Variants in EFNA1 observed in about 807,000 individuals in gnomAD.
EFNA1 encodes the protein ephrin A1, also known as ephrin-A1.
A neutral mutation model predicts 23.2 loss-of-function variants in EFNA1; 8 were observed. The observed-to-expected ratio is 0.34, with a 90% CI of 0.20 to 0.62. EFNA1 has a LOEUF of 0.62. Among genes scored for constraint, EFNA1 ranks in the 20% least tolerant of loss-of-function variants. The pLI, the probability that EFNA1 is intolerant of heterozygous loss-of-function variation, is 0.75. For missense variants in EFNA1, 217 were observed against 260.0 expected, an observed-to-expected ratio of 0.83 and a Z score of 1.14; for synonymous variants, 89 against 98.6, an observed-to-expected ratio of 0.90 and a Z score of 0.58.
intron 3 of EFNA1, 37 bp downstream of exon 3, chr1:155,133,605 C>CTAG: frequency 3.7e-6 from 6 of 1,612,562 alleles, no homozygotes; most frequent in Non-Finnish European, 5.1e-6. Flanking sequence ...CTTCCTCCAT[C>CTAG]TCTATGCTGG....
chr1:155,131,166 G>A, intron 1 of EFNA1, 173 bp from the exon 2 acceptor site: 3 of 1,357,294 alleles, frequency 2.2e-6, no homozygotes, highest in South Asian at 1.6e-5. Flanking sequence ...GTTTAGAGAT[G>A]GCAGAGAGAA....
At chr1:155,133,264 G>A (rs866190969) in intron 2 of EFNA1, among the ~76,000 whole-genome samples, 4 of 152,146 alleles carry the variant, frequency 2.6e-5, no homozygotes, top group Admixed American at 6.5e-5. Flanking sequence ...TCGGAGGAAT[G>A]AAGGATGAAA....
chr1:155,134,113 G>A lies in EFNA1; in HGVS notation c.*46G>A, dbSNP rs1371905169. The A allele has an allele frequency of 1.3e-6, 2 of 1,583,938 alleles. No individual in the cohort carries two copies. Among genetic ancestry groups the A allele is most frequent in the African/African-American group, 1.4e-5 (1 of 74,038 alleles). On this transcript the variant is annotated 3_prime_UTR_variant, in exon 5 of 5. Transcript: ENST00000368407. ...CTTAAAGAGGGACAGGCTGAAGAGA[G>A]GGACAGGCACTCCAAACCTGTCTTG...
Position 155,128,406 on chromosome 1 carries a change from C to T in EFNA1, c.92+337C>T, listed in dbSNP as rs543404162. Reference sequence around the variant, plus strand: ...GCCCTTGTTCCAGGCCCCCCACCCCCCCACTGTGAAAGCCTCCACGCCTCT... The same window carrying T: ...GCCCTTGTTCCAGGCCCCCCACCCCTCCACTGTGAAAGCCTCCACGCCTCT... On this transcript the variant is annotated intron_variant, in intron 1 of 4. Transcript: ENST00000368407. Among the ~76,000 whole-genome samples, 4 of 152,264 alleles carry T rather than the reference C, an allele frequency of 2.6e-5. 1 individual carries two copies. Among genetic ancestry groups the T allele is most frequent in the African/African-American group, 7.2e-5 (3 of 41,568 alleles).
chr1:155,133,198 C>G (rs1225642741), intron 2 of EFNA1, among the ~76,000 whole-genome samples: 1 of 152,106 alleles, frequency 6.6e-6, no homozygotes, highest in Non-Finnish European at 1.5e-5. Flanking sequence ...TGTGAGCCAC[C>G]GCGCCTGGCC....
intron 4 of EFNA1, 49 bp from the exon 5 acceptor site, chr1:155,133,906 A>T (rs759098424): frequency 6.2e-7 from 1 of 1,607,564 alleles, no homozygotes; most frequent in South Asian, 1.1e-5. Flanking sequence ...GAGCCAGTAC[A>T]AATAGTGGAG....
rs80183530 is a variant in EFNA1 at position 155,130,216 on chromosome 1, G to C, written c.93-1123G>C. Reference sequence around the variant, plus strand: ...CTCCTTCCTCGCCCTCCCAGCCGTGGCCAGGGCTTTCAGTTCGAAGCAACT... The same window carrying C: ...CTCCTTCCTCGCCCTCCCAGCCGTGCCCAGGGCTTTCAGTTCGAAGCAACT... On this transcript the variant is annotated intron_variant, in intron 1 of 4. Transcript: ENST00000368407. Among the ~76,000 whole-genome samples, 1,369 of 152,326 alleles carry C rather than the reference G, an allele frequency of 9.0e-3. 24 individuals are homozygous for C. Among genetic ancestry groups the C allele is most frequent in the African/African-American group, 0.031 (1,292 of 41,564 alleles).
intron 1 of EFNA1, among the ~76,000 whole-genome samples, chr1:155,130,305 T>A (rs760527504): frequency 1.3e-5 from 2 of 152,132 alleles, no homozygotes; most frequent in Non-Finnish European, 2.9e-5. Flanking sequence ...ACTGACCAGC[T>A]TGCGGGGTCG....
intron 2 of EFNA1, 109 bp from the exon 3 acceptor site, chr1:155,133,393 AG>A: frequency 8.1e-7 from 1 of 1,227,816 alleles, no homozygotes. Context: ...TAGAGGGAAG[AG>A]AAGAATGAAA....
chr1:155,129,061 G>A (rs1476667789), intron 1 of EFNA1, among the ~76,000 whole-genome samples: 2 of 152,148 alleles, frequency 1.3e-5, no homozygotes, highest in Non-Finnish European at 2.9e-5. Context: ...CCGTGTCATC[G>A]TCTGGTGAGG....
rs376779657 is a variant in EFNA1 at position 155,128,586 on chromosome 1, C to T, written c.92+517C>T. Among the ~76,000 whole-genome samples, 21 of 152,306 alleles carry T rather than the reference C, an allele frequency of 1.4e-4. 1 individual carries two copies. In the East Asian group the frequency reaches 2.1e-3, roughly 15 times the overall value. On this transcript the variant is annotated intron_variant, in intron 1 of 4. Transcript: ENST00000368407. ...CATTCACCCTGTATTTAAAGCAAAC[C>T]TGGAAAGTCCCTCACTAGGGGTCTT...
chr1:155,131,041 C>A (rs1664230532), intron 1 of EFNA1: 1 of 985,314 alleles, frequency 1.0e-6, no homozygotes, highest in African/African-American at 1.7e-5. Flanking sequence ...GGTAGAAGCC[C>A]ATCTAAATAT....
chr1:155,133,741 C>G lies in EFNA1; in HGVS notation c.466C>G (p.Gln156Glu), dbSNP rs1332131897. The change falls in exon 4 of 5, where the codon CAG (glutamine) becomes GAG (glutamate). Residue 156 changes from glutamine (Q) to glutamate (E), a missense_variant. Physicochemically the swap from Gln to Glu is conservative, Grantham distance 29. Transcript: ENST00000368407. The stretch of plus-strand genomic sequence containing the variant: ...CTCTTGTCTTTCAGCTCACAGTCCT[C>G]AGGCCCATGACAATCCACAGGAGAA... ...TVSGKITHSP[Q>E]AHDNPQEKRL... The G allele has an allele frequency of 6.2e-7, 1 of 1,614,014 alleles. No homozygotes were observed. The highest frequency in any genetic ancestry group is 1.3e-5 in the African/African-American group (1 of 74,904).
chr1:155,132,681 T>G (rs1664265847), intron 2 of EFNA1, among the ~76,000 whole-genome samples: 1 of 151,466 alleles, frequency 6.6e-6, no homozygotes, highest in South Asian at 2.1e-4. Flanking sequence ...AATACAAAAA[T>G]TAGCCGAGTG....
intron 2 of EFNA1, 30 bp downstream of exon 2, chr1:155,131,664 G>GT: frequency 6.3e-7 from 1 of 1,593,906 alleles, no homozygotes; most frequent in Non-Finnish European, 8.6e-7. Flanking sequence ...CAGTGTCTGT[G>GT]TTTCTTTTTT....
At chr1:155,128,108 G>C (rs1301301127) in intron 1 of EFNA1, 39 bp downstream of exon 1, 1 of 1,577,988 alleles carries the variant, frequency 6.3e-7, no homozygotes, top group Admixed American at 1.7e-5. Flanking sequence ...TGGGCTCCCG[G>C]CTGGCACTAC....
rs770201963 is a variant in EFNA1 at position 155,133,969 on chromosome 1, C to G, written c.520C>G (p.Arg174Gly). Residue 174 changes from arginine to glycine, a missense_variant, in exon 5 of 5, where the codon CGG becomes GGG. By Grantham distance (125) the Arg-to-Gly change is moderately radical (BLOSUM62 -2). Coordinates refer to ENST00000368407, the MANE Select transcript of EFNA1 (RefSeq NM_004428.3). ...KRLAADDPEV[R>G]VLHSIGHSAA... is the part of the protein sequence containing the mutation. Reference sequence around the variant, plus strand: ...TCACCTTGCAGATGACCCAGAGGTGCGGGTTCTACATAGCATCGGTCACAG... The same window carrying G: ...TCACCTTGCAGATGACCCAGAGGTGGGGGTTCTACATAGCATCGGTCACAG... 1.1e-5 allele frequency: 17 copies of G among 1,613,908 alleles called. No individual in the cohort carries two copies. Among genetic ancestry groups the G allele is most frequent in the Non-Finnish European group, 1.4e-5 (16 of 1,179,976 alleles).
chr1:155,132,180 G>C (rs1210171044), intron 2 of EFNA1, among the ~76,000 whole-genome samples: 1 of 152,132 alleles, frequency 6.6e-6, no homozygotes, highest in Non-Finnish European at 1.5e-5. Flanking sequence ...GGAACTAAAA[G>C]GTGATAAGGA....
Position 155,133,971 on chromosome 1 carries a change from G to T in EFNA1, c.522G>T (p.Arg174=), listed in dbSNP as rs763269161. ...ACCTTGCAGATGACCCAGAGGTGCG[G>T]GTTCTACATAGCATCGGTCACAGTG... ...KRLAADDPEV[R]VLHSIGHSAA... Residue 174 remains arginine (R), a synonymous_variant, in exon 5 of 5, where the codon CGG becomes CGT. Transcript: ENST00000368407. 3.7e-6 allele frequency: 6 copies of T among 1,614,048 alleles called. No homozygotes were observed. Among genetic ancestry groups the T allele is most frequent in the Non-Finnish European group, 4.2e-6 (5 of 1,179,968 alleles).
Sources: gnomAD v4.1 joint callset for allele counts (sites outside exome capture counted in the v4.1 genomes callset) on GRCh38, gnomAD v4.1.1 for gene constraint, MANE v1.5 for transcripts, NCBI Gene and HGNC (gene_info 2026-07-23, HGNC 2026-07-21) for gene names.